The following KAZN variants were observed in gnomAD, a reference collection of about 807,000 sequenced individuals.
KAZN encodes the protein kazrin, periplakin interacting protein.
In KAZN, 40 loss-of-function variants were observed where a neutral mutation model predicts 87.4. The ratio of observed to expected loss-of-function variants is 0.46; its 90% CI spans 0.36 to 0.60. The LOEUF (loss-of-function observed/expected upper bound fraction) is 0.60. KAZN is among the 20% of genes least tolerant of loss of function. The pLI, the probability that KAZN is intolerant of heterozygous loss-of-function variation, is 0.00. For missense variants in KAZN, 898 were observed against 1,073.9 expected, an observed-to-expected ratio of 0.84 and a Z score of 2.29; for synonymous variants, 466 against 458.3, an observed-to-expected ratio of 1.02 and a Z score of -0.22.
At position 14,085,193 on chromosome 1, in the gene KAZN, T is replaced by C. The variant is rs534679831; in HGVS notation, c.92-95242T>C. Among the ~76,000 whole-genome samples, 12 of 152,348 alleles carry C rather than the reference T, an allele frequency of 7.9e-5. No homozygotes were observed. The East Asian group carries it at 2.3e-3, about 29-fold the overall frequency. On this transcript the variant is annotated intron_variant, in intron 1 of 16. Coordinates refer to the KAZN transcript ENST00000636203. ...GAACCACAGTGGTTTGTAGAAACTA[T>C]TTTGAACTCATTGTAATTAGGTAAC...
intron 1 of KAZN, among the ~76,000 whole-genome samples, chr1:14,049,379 A>G (rs1270731449): frequency 6.6e-6 from 1 of 152,206 alleles, no homozygotes; most frequent in Non-Finnish European, 1.5e-5. Flanking sequence ...TGACAAGTTA[A>G]TGGGTGCAGC....
At chr1:14,659,816 C>A (rs1639035842) in intron 1 of KAZN, among the ~76,000 whole-genome samples, 1 of 151,174 alleles carries the variant, frequency 6.6e-6, no homozygotes, top group African/African-American at 2.4e-5. Context: ...CCAGGGAAAT[C>A]ATTTCAAAAT....
chr1:14,145,450 A>C lies in KAZN; in HGVS notation c.92-34985A>C, dbSNP rs183345540. Reference sequence around the variant, plus strand: ...TAGAAAAAGACCATGTCTCTGAAAAAAAGACACACACACACACCCACACCC... The same window carrying C: ...TAGAAAAAGACCATGTCTCTGAAAACAAGACACACACACACACCCACACCC... On this transcript the variant is annotated intron_variant, in intron 1 of 16. Transcript: ENST00000636203. 6.3e-4 allele frequency among the ~76,000 whole-genome samples: 96 copies of C among 152,244 alleles called. 1 individual carries two copies. The highest frequency in any genetic ancestry group is 2.2e-3 in the African/African-American group (90 of 41,524).
chr1:14,950,135 C>T (rs964465856), intron 1 of KAZN, among the ~76,000 whole-genome samples: 10 of 152,086 alleles, frequency 6.6e-5, no homozygotes, highest in Non-Finnish European at 7.3e-5. Flanking sequence ...TGGGGAGCGC[C>T]GTGGAAGAAA....
At chr1:13,984,013 T>C (rs148432199) in intron 1 of KAZN, among the ~76,000 whole-genome samples, 3 of 147,958 alleles carry the variant, frequency 2.0e-5, no homozygotes, top group African/African-American at 7.4e-5. Flanking sequence ...ATTATTTTTA[T>C]TTTCTATTTT....
rs192201438 is a variant in KAZN, at chr1:14,387,977, G to A, written c.249+207385G>A. On this transcript the variant is annotated intron_variant, in intron 2 of 16. Coordinates refer to the KAZN transcript ENST00000636203. ...TAGCAATCAGCGAGACTCCGTGGGC[G>A]TAGGACCCTCCGATCCAGGTGCGGG... Among the ~76,000 whole-genome samples the A allele has an allele frequency of 1.4e-3, 218 of 152,346 alleles. 1 individual carries two copies. The highest frequency in any genetic ancestry group is 7.7e-3 in the South Asian group (37 of 4,826).
At chr1:14,754,361 G>A (rs913147651) in intron 1 of KAZN, among the ~76,000 whole-genome samples, 7 of 152,204 alleles carry the variant, frequency 4.6e-5, no homozygotes, top group Admixed American at 3.9e-4. Flanking sequence ...GGCCGGATGT[G>A]GTGGCTCACA....
intron 1 of KAZN, among the ~76,000 whole-genome samples, chr1:14,161,449 G>A (rs142626900): frequency 2.1e-4 from 32 of 152,300 alleles, no homozygotes; most frequent in African/African-American, 6.7e-4. Flanking sequence ...CTACTATTTA[G>A]TAAGATACCT....
At chr1:13,982,472 A>G (rs963079023) in intron 1 of KAZN, among the ~76,000 whole-genome samples, 1 of 152,226 alleles carries the variant, frequency 6.6e-6, no homozygotes, top group African/African-American at 2.4e-5. Flanking sequence ...GTGTGGACCC[A>G]AAGAGTGAGC....
At chr1:14,991,224 G>T (rs556441185) in intron 2 of KAZN, among the ~76,000 whole-genome samples, 2 of 152,138 alleles carry the variant, frequency 1.3e-5, no homozygotes, top group East Asian at 1.9e-4. Context: ...CGTGGTGGTG[G>T]GCGCCTGTAA....
At chr1:14,141,152 C>T (rs1278832538) in intron 1 of KAZN, among the ~76,000 whole-genome samples, 1 of 150,346 alleles carries the variant, frequency 6.7e-6, no homozygotes, top group Non-Finnish European at 1.5e-5. Context: ...CCCCAGAAAA[C>T]CCCCAGAAAA....
At chr1:13,980,537 ATAAGAG>A (rs1464062548) in intron 1 of KAZN, among the ~76,000 whole-genome samples, 2 of 152,220 alleles carry the variant, frequency 1.3e-5, no homozygotes, top group African/African-American at 4.8e-5. Flanking sequence ...AGAAAATTTC[ATAAGAG>A]TAAAAGGGTC....
intron 1 of KAZN, among the ~76,000 whole-genome samples, chr1:14,645,126 T>C (rs919349997): frequency 1.3e-5 from 2 of 152,208 alleles, no homozygotes; most frequent in African/African-American, 4.8e-5. Context: ...TGCAGCCTTA[T>C]TTCTGGGCTC....
At chr1:14,088,389 C>A (rs1643901110) in intron 1 of KAZN, among the ~76,000 whole-genome samples, 1 of 151,570 alleles carries the variant, frequency 6.6e-6, no homozygotes, top group Non-Finnish European at 1.5e-5. Context: ...CTTCTTTGAC[C>A]CATGGGTTAT....
At chr1:14,119,672 G>A (rs1232836489) in intron 1 of KAZN, among the ~76,000 whole-genome samples, 1 of 152,098 alleles carries the variant, frequency 6.6e-6, no homozygotes, top group Non-Finnish European at 1.5e-5. Context: ...ACCCAGTGTG[G>A]GACATGCTGA....
chr1:14,403,232 T>C (rs1028114436), intron 2 of KAZN, among the ~76,000 whole-genome samples: 2 of 152,164 alleles, frequency 1.3e-5, no homozygotes, highest in African/African-American at 2.4e-5. Context: ...TAGCTTTGTA[T>C]GTAAGAAAAA....
At chr1:15,023,633 G>A (rs1670900373) in intron 2 of KAZN, among the ~76,000 whole-genome samples, 1 of 152,130 alleles carries the variant, frequency 6.6e-6, no homozygotes, top group South Asian at 2.1e-4. Context: ...GATGGGGACA[G>A]GAGTTGTGGG....
chr1:14,284,120 G>C (rs769870646), intron 2 of KAZN, among the ~76,000 whole-genome samples: 80 of 151,588 alleles, frequency 5.3e-4, no homozygotes, highest in Non-Finnish European at 8.0e-4. Flanking sequence ...GGGCTGGGGG[G>C]AGCAAAGAAA....
At position 14,599,231 on chromosome 1, in the gene KAZN, C is replaced by G. The variant is rs890510863; in HGVS notation, c.226+8C>G. 5 of 1,366,410 alleles carry G rather than the reference C, an allele frequency of 3.7e-6. No homozygotes were observed. In the African/African-American group the frequency reaches 6.0e-5, roughly 17 times the overall value. 84.6% of individuals were successfully genotyped at this position (1,366,410 alleles called of 1,614,324 possible). On this transcript the variant is annotated splice_region_variant and intron_variant, in intron 1 of 14. Coordinates refer to ENST00000376030, the MANE Select transcript of KAZN (RefSeq NM_201628.3). The surrounding 1 kb of genome is among the most constrained non-coding windows in gnomAD (Gnocchi z 4.4). Reference sequence around the variant, plus strand: ...CCCAGCTTGGAGCGCAAGGTAGGATCGCCCCGGCGCCCAGGGCGGAGGAAG... The same window carrying G: ...CCCAGCTTGGAGCGCAAGGTAGGATGGCCCCGGCGCCCAGGGCGGAGGAAG...
Sources: allele counts gnomAD v4.1 joint callset (sites outside exome capture counted in the v4.1 genomes callset), GRCh38; gene constraint gnomAD v4.1.1; non-coding constraint Gnocchi (gnomAD v3.1); transcripts MANE v1.5; gene names NCBI Gene and HGNC (gene_info 2026-07-23, HGNC 2026-07-21).